The following MGMT variants were observed in gnomAD, a reference collection of about 807,000 sequenced individuals.
MGMT encodes methylated-DNA--protein-cysteine methyltransferase.
Under a neutral mutation model 15.9 loss-of-function variants are expected in MGMT, and 14 were observed. The observed-to-expected ratio is 0.88, with a 90% CI of 0.58 to 1.37. The LOEUF (loss-of-function observed/expected upper bound fraction) is 1.37, where lower values mean the gene tolerates loss of function less well. MGMT is among the 40% of genes most tolerant of loss of function. The pLI is 0.00. For missense variants in MGMT, 282 were observed against 268.1 expected (o/e 1.05, Z -0.36); for synonymous variants, 130 against 118.2 (o/e 1.10, Z -0.65).
chr10:129,568,956 T>G (rs1846385988), intron 2 of MGMT, among the ~76,000 whole-genome samples: 1 of 152,266 alleles, frequency 6.6e-6, no homozygotes, highest in Non-Finnish European at 1.5e-5. Flanking sequence ...AGGAGCAGCC[T>G]TTCCTGGGCT....
At chr10:129,502,404 C>CT (rs1845583445) in intron 1 of MGMT, among the ~76,000 whole-genome samples, 8 of 152,136 alleles carry the variant, frequency 5.3e-5, no homozygotes, top group Admixed American at 5.2e-4. Context: ...TCCTACCCAG[C>CT]TAGACCTTTT....
chr10:129,661,286 C>A (rs1397296232), intron 2 of MGMT, among the ~76,000 whole-genome samples: 1 of 151,456 alleles, frequency 6.6e-6, no homozygotes, highest in African/African-American at 2.4e-5. Flanking sequence ...GCAAGTATTT[C>A]TGTGGGATAG....
intron 2 of MGMT, among the ~76,000 whole-genome samples, chr10:129,552,548 G>T (rs778347814): frequency 4.6e-5 from 7 of 152,238 alleles, no homozygotes; most frequent in South Asian, 2.1e-4. Flanking sequence ...TGAGGACTGA[G>T]CCTCATAGTT....
At chr10:129,708,689 C>T (rs1187274939) in intron 3 of MGMT, among the ~76,000 whole-genome samples, 6 of 152,198 alleles carry the variant, frequency 3.9e-5, no homozygotes, top group African/African-American at 1.2e-4. Context: ...TCATTCCAGA[C>T]ACATGCCAGA....
chr10:129,728,746 C>G (rs1464043655), intron 3 of MGMT, among the ~76,000 whole-genome samples: 2 of 151,934 alleles, frequency 1.3e-5, no homozygotes, highest in Non-Finnish European at 2.9e-5. Context: ...CCACCACCCC[C>G]TGTTCTCTGT....
Position 129,678,734 on chromosome 10 carries a change from G to A in MGMT, c.126-29161G>A, listed in dbSNP as rs564800762. 8.5e-5 allele frequency among the ~76,000 whole-genome samples: 13 copies of A among 152,240 alleles called. No homozygotes were observed. The South Asian group carries it at 1.7e-3, about 19-fold the overall frequency. The stretch of plus-strand genomic sequence containing the variant: ...GGATCCACTATGCTACGTGTGCACC[G>A]GGTGTAGACTTGGTCCAGTGCATGT... On this transcript the variant is annotated intron_variant, in intron 2 of 4. Coordinates refer to ENST00000651593, the MANE Select transcript of MGMT (RefSeq NM_002412.5).
At chr10:129,582,206 C>T (rs1485704814) in intron 2 of MGMT, among the ~76,000 whole-genome samples, 2 of 152,226 alleles carry the variant, frequency 1.3e-5, no homozygotes, top group South Asian at 2.1e-4. Flanking sequence ...CATGAATGTG[C>T]GTGGACCCCG....
chr10:129,741,022 G>A (rs934209456), intron 3 of MGMT, among the ~76,000 whole-genome samples: 1 of 152,154 alleles, frequency 6.6e-6, no homozygotes, highest in Admixed American at 6.5e-5. Flanking sequence ...GATGCCTTTG[G>A]CCCTTGCACC....
At chr10:129,497,813 T>G (rs938280179) in intron 1 of MGMT, among the ~76,000 whole-genome samples, 1 of 152,220 alleles carries the variant, frequency 6.6e-6, no homozygotes, top group African/African-American at 2.4e-5. Flanking sequence ...GGGAGCTCAC[T>G]GTCCTCTTCC....
At chr10:129,508,187 G>A (rs1484741442) in intron 1 of MGMT, among the ~76,000 whole-genome samples, 1 of 152,140 alleles carries the variant, frequency 6.6e-6, no homozygotes, top group African/African-American at 2.4e-5. Context: ...CAGCCCTTTT[G>A]TGGAGTAAAA....
chr10:129,763,391 C>T (rs755083199), intron 4 of MGMT, among the ~76,000 whole-genome samples: 23 of 152,274 alleles, frequency 1.5e-4, no homozygotes, highest in African/African-American at 2.2e-4. Context: ...CTATTTCTAA[C>T]GGTAAAAATA....
intron 2 of MGMT, among the ~76,000 whole-genome samples, chr10:129,680,167 G>GT (rs568778029): frequency 1.3e-5 from 2 of 152,276 alleles, no homozygotes; most frequent in Admixed American, 6.5e-5. Flanking sequence ...CAAGGAAGAG[G>GT]TTTTTTTAAC....
chr10:129,600,925 A>G (rs962529534), intron 2 of MGMT, among the ~76,000 whole-genome samples: 6 of 152,226 alleles, frequency 3.9e-5, no homozygotes, highest in Admixed American at 1.3e-4. Flanking sequence ...AAATACTCCT[A>G]GTTGGTTAGT....
chr10:129,725,881 G>A (rs1345960755), intron 3 of MGMT, among the ~76,000 whole-genome samples: 1 of 152,234 alleles, frequency 6.6e-6, no homozygotes, highest in African/African-American at 2.4e-5. Context: ...TGTCTGCACT[G>A]TAGCCTGTTC....
rs145451746 is a variant in MGMT at position 129,758,897 on chromosome 10, C to T, written c.275-305C>T. On this transcript the variant is annotated intron_variant, in intron 3 of 4. Coordinates refer to ENST00000651593, the MANE Select transcript of MGMT (RefSeq NM_002412.5). ...AGCCATGAGCTCACTTACACACGCC[C>T]AGTCGCTAGAAGAGTGGCACACGCA... Among the ~76,000 whole-genome samples the T allele has an allele frequency of 1.2e-3, 190 of 152,326 alleles. 1 individual carries two copies. The highest frequency in any genetic ancestry group is 4.4e-3 in the African/African-American group (183 of 41,578).
At chr10:129,502,888 A>C (rs1845588630) in intron 1 of MGMT, among the ~76,000 whole-genome samples, 1 of 152,238 alleles carries the variant, frequency 6.6e-6, no homozygotes, top group South Asian at 2.1e-4. Context: ...AGCCGGACCC[A>C]AACAGAGCAT....
At chr10:129,670,164 A>G (rs935015116) in intron 2 of MGMT, among the ~76,000 whole-genome samples, 1 of 148,744 alleles carries the variant, frequency 6.7e-6, no homozygotes, top group African/African-American at 2.4e-5. Flanking sequence ...ATAATGTGCA[A>G]TAGATTCAGA....
At chr10:129,609,359 A>C (rs906566835) in intron 2 of MGMT, among the ~76,000 whole-genome samples, 16 of 146,982 alleles carry the variant, frequency 1.1e-4, no homozygotes, top group African/African-American at 3.9e-4. Flanking sequence ...ATGGAGGTGG[A>C]ATCTCTGGCC....
At chr10:129,701,219 A>T (rs1028414392) in intron 2 of MGMT, 1 of 152,186 alleles carries the variant, frequency 6.6e-6, no homozygotes, top group Non-Finnish European at 1.5e-5. Context: ...TCAGAGGAGC[A>T]CCTGTCTTTG....
Sources: allele counts gnomAD v4.1 joint callset (sites outside exome capture counted in the v4.1 genomes callset), GRCh38; gene constraint gnomAD v4.1.1; transcripts MANE v1.5; gene names NCBI Gene and HGNC (gene_info 2026-07-23, HGNC 2026-07-21).